Variants in CHMP2A observed in about 807,000 individuals in gnomAD.
The protein encoded by CHMP2A is VPS2 homolog A.
CHMP2A carries 6 observed loss-of-function variants against 21.8 expected under a neutral mutation model. The observed-to-expected ratio is 0.28, with a 90% CI of 0.15 to 0.54. The LOEUF is 0.54. CHMP2A is among the 20% of genes least tolerant of loss of function. The probability of loss-of-function intolerance (pLI) is 0.95; values close to 1 mark genes in which losing one functional copy is unlikely to be tolerated. For synonymous variants in CHMP2A, 125 were observed against 107.0 expected (o/e 1.17, Z -1.04); for missense variants, 303 against 293.9 (o/e 1.03, Z -0.23).
intron 2 of CHMP2A, chr19:58,553,671 G>C: frequency 3.4e-6 from 1 of 291,170 alleles, no homozygotes; most frequent in Non-Finnish European, 6.6e-6. Context: ...TACTGCGCCC[G>C]GCCCTGTAAT....
rs2053836019 is a variant in CHMP2A at position 58,552,113 on chromosome 19, C to T, written c.421G>A (p.Glu141Lys). ...TCATCAATGGCATCATTCATCATCTCCTCCTTCATATCCATGATCTCTGCC... is the reference window on the plus strand; with the variant it reads ...TCATCAATGGCATCATTCATCATCTTCTCCTTCATATCCATGATCTCTGCC... ...RQAEIMDMKE[E>K]MMNDAIDDAM... The change falls in exon 4 of 6, where the codon GAG becomes AAG. Residue 141 changes from glutamate to lysine, a missense_variant. Transcript: ENST00000312547. The T allele has an allele frequency of 2.5e-6, 4 of 1,614,168 alleles. No individual in the cohort carries two copies. Among genetic ancestry groups the T allele is most frequent in the South Asian group, 1.1e-5 (1 of 91,086 alleles).
chr19:58,554,367 A>C, intron 1 of CHMP2A, 131 bp from the exon 2 acceptor site: 1 of 750,508 alleles, frequency 1.3e-6, no homozygotes, highest in South Asian at 1.8e-5. Flanking sequence ...TGAGGAGCCA[A>C]AAGGGAGCAG....
chr19:58,553,638 G>A (rs1037872578), intron 2 of CHMP2A: 63 of 251,828 alleles, frequency 2.5e-4, no homozygotes, highest in Admixed American at 4.6e-4. Context: ...CTCCCAAAGT[G>A]CTGGGATTAC....
chr19:58,551,993 G>A (rs1198954989), intron 4 of CHMP2A, 26 bp from the exon 5 acceptor site: 8 of 1,614,040 alleles, frequency 5.0e-6, no homozygotes, highest in East Asian at 2.2e-5. Flanking sequence ...AACTCAGTGA[G>A]GGCTATGCAC....
intron 5 of CHMP2A, 31 bp downstream of exon 5, chr19:58,551,875 G>C: frequency 6.2e-7 from 1 of 1,614,056 alleles, no homozygotes; most frequent in Non-Finnish European, 8.5e-7. Context: ...GCCTTGGGTG[G>C]GAAATGGGGT....
At position 58,551,617 on chromosome 19, in the gene CHMP2A, A is replaced by G. The variant is rs773648425; in HGVS notation, c.*32T>C. ...GGGGTTGTGGTAAAAGATCCTGGGC[A>G]TCCACTGGTTATCTCGGAGTGGCAG... is the stretch of plus-strand genomic sequence containing the variant. On this transcript the variant is annotated 3_prime_UTR_variant, in exon 6 of 6. Transcript: ENST00000312547. The G allele has an allele frequency of 1.2e-6, 2 of 1,607,170 alleles. No individual in the cohort carries two copies. The highest frequency in any genetic ancestry group is 8.5e-7 in the Non-Finnish European group (1 of 1,175,316).
At position 58,554,129 on chromosome 19, in the gene CHMP2A, C is replaced by G. The variant is rs775433926; in HGVS notation, c.84G>C (p.Glu28Asp). The G allele has an allele frequency of 1.2e-6, 2 of 1,614,180 alleles. No homozygotes were observed. The highest frequency in any genetic ancestry group is 1.7e-6 in the Non-Finnish European group (2 of 1,180,038). Reference protein sequence around the residue: ...NQRALNRAMRELDRERQKLET... With the variant: ...NQRALNRAMRDLDRERQKLET... ...CTAGTTTCTGTCGCTCGCGGTCCAG[C>G]TCCCGCATGGCACGGTTCAGGGCCC... The change falls in exon 2 of 6, where the codon GAG becomes GAC. Residue 28 changes from glutamate to aspartate, a missense_variant. By Grantham distance (45) the Glu-to-Asp change is conservative. Transcript: ENST00000312547.
intron 2 of CHMP2A, 46 bp from the exon 3 acceptor site, chr19:58,552,484 C>T: frequency 1.9e-6 from 3 of 1,574,980 alleles, no homozygotes; most frequent in Non-Finnish European, 2.6e-6. Context: ...TGAGATTATC[C>T]TACACTTCTT....
Position 58,552,263 on chromosome 19 carries a change from C to T in CHMP2A, c.344G>A (p.Arg115Lys). Reference protein sequence around the residue: ...GVTKAMGTMNRQLKLPQIQKI... With the variant: ...GVTKAMGTMNKQLKLPQIQKI... The stretch of plus-strand genomic sequence containing the variant: ...GGGGGATTGGGAAAAGCGCACCTGT[C>T]TGTTCATGGTGCCCATGGCCTTGGT... Residue 115 changes from arginine to lysine, a missense_variant, in exon 3 of 6, where the codon AGA (arginine) becomes AAA (lysine). Coordinates refer to ENST00000312547, the MANE Select transcript of CHMP2A (RefSeq NM_014453.4). 6.2e-7 allele frequency: 1 copy of T among 1,614,214 alleles called. No homozygotes were observed. The highest frequency in any genetic ancestry group is 8.5e-7 in the Non-Finnish European group (1 of 1,180,040).
rs764436083 is a variant in CHMP2A, at chr19:58,552,117, C to T, written c.417G>A (p.Lys139=). ...FERQAEIMDM[K]EEMMNDAIDD... ...CAATGGCATCATTCATCATCTCCTC[C>T]TTCATATCCATGATCTCTGCCTGCC... is the stretch of plus-strand genomic sequence containing the variant. The change falls in exon 4 of 6, where the codon AAG becomes AAA. Residue 139 remains lysine, a synonymous_variant. Coordinates refer to ENST00000312547, the MANE Select transcript of CHMP2A (RefSeq NM_014453.4). The T allele has an allele frequency of 2.0e-5, 32 of 1,614,224 alleles. No individual in the cohort carries two copies. The highest frequency in any genetic ancestry group is 6.7e-5 in the Admixed American group (4 of 60,032).
intron 2 of CHMP2A, 132 bp from the exon 3 acceptor site, chr19:58,552,570 T>A: frequency 2.3e-6 from 2 of 875,904 alleles, no homozygotes; most frequent in Non-Finnish European, 3.5e-6. Flanking sequence ...AGACTCTGGC[T>A]AACCCAATGG....
Position 58,554,125 on chromosome 19 carries a change from C to T in CHMP2A, c.88G>A (p.Asp30Asn), listed in dbSNP as rs1218523927. 6.2e-7 allele frequency: 1 copy of T among 1,614,160 alleles called. No individual in the cohort carries two copies. The highest frequency in any genetic ancestry group is 2.2e-5 in the East Asian group (1 of 44,886). The change falls in exon 2 of 6, where the codon GAC becomes AAC. Residue 30 changes from aspartate to asparagine, a missense_variant. By Grantham distance (23) the Asp-to-Asn change is conservative. Transcript: ENST00000312547. ...GTCTCTAGTTTCTGTCGCTCGCGGT[C>T]CAGCTCCCGCATGGCACGGTTCAGG... ...RALNRAMREL[D>N]RERQKLETQE... is the part of the protein sequence containing the mutation.
chr19:58,552,468 C>G (rs779512213), intron 2 of CHMP2A, 30 bp from the exon 3 acceptor site: 2 of 1,599,710 alleles, frequency 1.3e-6, no homozygotes, highest in East Asian at 4.5e-5. Context: ...ATCAAGGACA[C>G]AGGAATGAGA....
Position 58,551,973 on chromosome 19 carries a change from G to T in CHMP2A, c.480-6C>A. ...CCTGGGACACCACAGCATCACTAGG[G>T]AAGAGAGAGAACTCAGTGAGGGCTA... is the stretch of plus-strand genomic sequence containing the variant. On this transcript the variant is annotated splice_region_variant and splice_polypyrimidine_tract_variant and intron_variant, in intron 4 of 5. Transcript: ENST00000312547. 6.2e-7 allele frequency: 1 copy of T among 1,614,120 alleles called. No homozygotes were observed. Among genetic ancestry groups the T allele is most frequent in the South Asian group, 1.1e-5 (1 of 91,082 alleles).
chr19:58,554,238 TGAGAC>T lies in CHMP2A; in HGVS notation c.-24-7_-24-3del. On this transcript the variant is annotated splice_region_variant and splice_polypyrimidine_tract_variant and intron_variant, in intron 1 of 5. Transcript: ENST00000312547. Reference sequence around the variant, plus strand: ...GATGGTAGAAGCTCACTGGCAGGCCTGAGACAGATGTGAGTGAGGCCCAGTTGTAG... The same window carrying T: ...GATGGTAGAAGCTCACTGGCAGGCCTAGATGTGAGTGAGGCCCAGTTGTAG... 6.3e-7 allele frequency: 1 copy of T among 1,597,562 alleles called. No individual in the cohort carries two copies. Among genetic ancestry groups the T allele is most frequent in the Non-Finnish European group, 8.5e-7 (1 of 1,170,884 alleles).
intron 2 of CHMP2A, among the ~76,000 whole-genome samples, chr19:58,552,825 A>G (rs1269602264): frequency 1.3e-5 from 2 of 152,204 alleles, no homozygotes; most frequent in African/African-American, 4.8e-5. Flanking sequence ...TTCACCTGAT[A>G]CAAACCCATA....
At position 58,551,943 on chromosome 19, in the gene CHMP2A, C is replaced by T; in HGVS notation, c.504G>A (p.Leu168=). The change falls in exon 5 of 6, where the codon CTG becomes CTA. Residue 168 remains leucine (L), a synonymous_variant. Transcript: ENST00000312547. ...CTGTTAGGCTAAGTCCCAGCTCATC[C>T]AGAACCTGGGACACCACAGCATCAC... ...EESDAVVSQV[L]DELGLSLTDE... The T allele has an allele frequency of 6.2e-7, 1 of 1,614,142 alleles. No homozygotes were observed. Among genetic ancestry groups the T allele is most frequent in the Non-Finnish European group, 8.5e-7 (1 of 1,180,028 alleles).
In CHMP2A at chr19:58,554,058, T is replaced by C. The variant is rs937989967; in HGVS notation, c.155A>G (p.Lys52Arg). ...ACCCACACTCACCATCTGGCCTTGC[T>C]TGGCCATCTTCTTAATGTCTGCAAT... is the stretch of plus-strand genomic sequence containing the variant. ...KIIADIKKMA[K>R]QGQMDAVRIM... The change falls in exon 2 of 6, where the codon AAG (lysine) becomes AGG (arginine). Residue 52 changes from lysine to arginine, a missense_variant. Lys to Arg is a conservative substitution (Grantham distance 26, BLOSUM62 2). Transcript: ENST00000312547. 1 of 1,613,794 alleles carries C rather than the reference T, an allele frequency of 6.2e-7. No homozygotes were observed. The highest frequency in any genetic ancestry group is 1.3e-5 in the African/African-American group (1 of 74,944).
intron 2 of CHMP2A, chr19:58,553,800 G>A (rs2053860407): frequency 3.8e-6 from 2 of 525,264 alleles, no homozygotes; most frequent in Non-Finnish European, 6.8e-6. Context: ...TTTAACATTT[G>A]CTGCTCTGTC....
Sources: allele counts gnomAD v4.1 joint callset (sites outside exome capture counted in the v4.1 genomes callset), GRCh38; gene constraint gnomAD v4.1.1; transcripts MANE v1.5; gene names NCBI Gene and HGNC (gene_info 2026-07-23, HGNC 2026-07-21).